Variants in PMS1 observed in about 807,000 individuals in gnomAD.
PMS1 encodes PMS1 protein homolog 1.
A neutral mutation model predicts 93.1 loss-of-function variants in PMS1; 79 were observed. The ratio of observed to expected loss-of-function variants is 0.85; its 90% CI spans 0.71 to 1.02. The LOEUF (loss-of-function observed/expected upper bound fraction) is 1.02, where lower values mean the gene tolerates loss of function less well. PMS1 is among the 50% of genes least tolerant of loss of function. The probability of loss-of-function intolerance (pLI) is 0.00; values close to 1 mark genes in which losing one functional copy is unlikely to be tolerated. For synonymous variants in PMS1, 335 were observed against 363.4 expected, an observed-to-expected ratio of 0.92 and a Z score of 0.89; for missense variants, 1,064 against 1,085.3, an observed-to-expected ratio of 0.98 and a Z score of 0.28.
chr2:189,794,175 C>T (rs1014570604), intron 2 of PMS1, among the ~76,000 whole-genome samples: 9 of 152,268 alleles, frequency 5.9e-5, no homozygotes, highest in Admixed American at 2.6e-4. Context: ...TGCAGTGGTG[C>T]GATCTCAGCT....
At chr2:189,832,286 A>G (rs2053017872) in intron 5 of PMS1, among the ~76,000 whole-genome samples, 1 of 152,174 alleles carries the variant, frequency 6.6e-6, no homozygotes, top group Admixed American at 6.5e-5. Flanking sequence ...AATGTAATCT[A>G]TAGGGTGTTC....
Position 189,867,625 on chromosome 2 carries a change from T to G in PMS1, c.2343-174T>G, listed in dbSNP as rs55918344. Among the ~76,000 whole-genome samples the G allele has an allele frequency of 3.2e-4, 49 of 152,330 alleles. No homozygotes were observed. In the East Asian group the frequency reaches 8.9e-3, roughly 28 times the overall value. ...TCTGTATACTGTGTGCAGTAGGTAT[T>G]TAATAAAATATTAACAGAAATGTAA... On this transcript the variant is annotated intron_variant, in intron 10 of 12. Transcript: ENST00000441310.
chr2:189,840,843 C>T (rs776978794), intron 5 of PMS1, among the ~76,000 whole-genome samples: 39 of 152,162 alleles, frequency 2.6e-4, no homozygotes, highest in Non-Finnish European at 5.3e-4. Flanking sequence ...TTGAGAACCC[C>T]AGTGTACTCC....
Position 189,864,688 on chromosome 2 carries a change from ATATATATATATATATATAT to A in PMS1, c.2342+461_2342+479del, listed in dbSNP as rs1161079072. Among the ~76,000 whole-genome samples the A allele has an allele frequency of 4.4e-3, 20 of 4,498 alleles. 3 individuals carry two copies. Among genetic ancestry groups the A allele is most frequent in the African/African-American group, 9.2e-3 (11 of 1,196 alleles). The allele number at this position is 4,498 out of a possible 152,430, so 3.0% of individuals were successfully genotyped here. A position where few individuals can be genotyped will look rare whatever the true frequency, so the allele number is the denominator to read the frequency against. On this transcript the variant is annotated intron_variant, in intron 10 of 12. Transcript: ENST00000441310. ...AAAAAAAAAAAAAAAAAAAAAAAAA[ATATATATATATATATATAT>A]ATATATATATATATATATATATATA...
intron 12 of PMS1, among the ~76,000 whole-genome samples, chr2:189,874,752 T>C (rs2057416705): frequency 6.6e-6 from 1 of 152,206 alleles, no homozygotes; most frequent in South Asian, 2.1e-4. Flanking sequence ...GTGAATCCTT[T>C]AGGAACTTTG....
chr2:189,810,844 TAG>T (rs2050778389), intron 4 of PMS1, among the ~76,000 whole-genome samples: 1 of 152,130 alleles, frequency 6.6e-6, no homozygotes, highest in African/African-American at 2.4e-5. Context: ...TTTTCTTCTT[TAG>T]TATCCTTTTA....
At chr2:189,863,604 A>G in intron 9 of PMS1, 139 bp from the exon 10 acceptor site, 1 of 664,734 alleles carries the variant, frequency 1.5e-6, no homozygotes, top group Non-Finnish European at 2.6e-6. Context: ...AGTTATATGC[A>G]GGAGAGTTAG....
At position 189,787,706 on chromosome 2, in the gene PMS1, G is replaced by T. The variant is rs5742958; in HGVS notation, c.-21+3113G>T. ...GCTGGATAGAGTACTGGTTAAAATG[G>T]CAGGCTCTGAAATCACGCTACTTTG... On this transcript the variant is annotated intron_variant, in intron 1 of 12. Coordinates refer to ENST00000441310, the MANE Select transcript of PMS1 (RefSeq NM_000534.5). Among the ~76,000 whole-genome samples, 488 of 152,006 alleles carry T rather than the reference G, an allele frequency of 3.2e-3. 1 individual carries two copies. Among genetic ancestry groups the T allele is most frequent in the African/African-American group, 0.011 (474 of 41,438 alleles).
At chr2:189,806,659 A>C (rs2050377515) in intron 4 of PMS1, 1 of 202,286 alleles carries the variant, frequency 4.9e-6, no homozygotes, top group African/African-American at 2.3e-5. Flanking sequence ...GGCCTCCCAG[A>C]GTGCTGAGAT....
intron 5 of PMS1, among the ~76,000 whole-genome samples, chr2:189,818,546 T>C (rs1046259827): frequency 6.6e-6 from 1 of 152,164 alleles, no homozygotes; most frequent in Non-Finnish European, 1.5e-5. Flanking sequence ...TAAATTTCTA[T>C]TGTTTATAAG....
chr2:189,868,933 T>C (rs112896702), intron 11 of PMS1, among the ~76,000 whole-genome samples: 42 of 152,312 alleles, frequency 2.8e-4, no homozygotes, highest in African/African-American at 9.1e-4. Flanking sequence ...CTGGCCTCAC[T>C]GTGTCTTCAT....
chr2:189,810,578 A>G (rs1021054446), intron 4 of PMS1, among the ~76,000 whole-genome samples: 17 of 152,288 alleles, frequency 1.1e-4, no homozygotes, highest in Admixed American at 5.2e-4. Flanking sequence ...AGCTAGTCCA[A>G]CCCCCACACT....
chr2:189,815,921 A>T (rs2051257738), intron 4 of PMS1, among the ~76,000 whole-genome samples: 1 of 152,078 alleles, frequency 6.6e-6, no homozygotes, highest in Admixed American at 6.5e-5. Flanking sequence ...TTCCCCCCTT[A>T]GAAACAGGGT....
At chr2:189,850,512 A>G (rs1477663504) in intron 6 of PMS1, among the ~76,000 whole-genome samples, 1 of 152,206 alleles carries the variant, frequency 6.6e-6, no homozygotes, top group African/African-American at 2.4e-5. Flanking sequence ...AGTGAAATAA[A>G]TAGCAGCTAT....
chr2:189,854,115 AT>A (rs2106459261), intron 8 of PMS1, 33 bp downstream of exon 8: 1 of 1,476,320 alleles, frequency 6.8e-7, no homozygotes, highest in Non-Finnish European at 9.3e-7. Context: ...TTCTTATGCT[AT>A]TTATAAACAT....
At chr2:189,864,517 G>A (rs957917809) in intron 10 of PMS1, among the ~76,000 whole-genome samples, 1 of 148,400 alleles carries the variant, frequency 6.7e-6, no homozygotes, top group Non-Finnish European at 1.5e-5. Context: ...TTAGCCGGGT[G>A]TGATGGCACG....
intron 5 of PMS1, among the ~76,000 whole-genome samples, chr2:189,825,697 A>T (rs1323154331): frequency 6.6e-6 from 1 of 152,236 alleles, no homozygotes; most frequent in Admixed American, 6.5e-5. Context: ...GGTATTGCAA[A>T]AGCTGAATTG....
intron 3 of PMS1, among the ~76,000 whole-genome samples, chr2:189,797,041 T>C (rs2049422440): frequency 1.3e-5 from 2 of 152,176 alleles, no homozygotes; most frequent in Admixed American, 1.3e-4. Context: ...TTCAAGCACA[T>C]TGTAAATCTC....
intron 9 of PMS1, among the ~76,000 whole-genome samples, 162 bp downstream of exon 9, chr2:189,855,290 T>TC (rs2055192907): frequency 6.6e-6 from 1 of 152,016 alleles, no homozygotes; most frequent in Admixed American, 6.6e-5. Context: ...ACTTTTTTTT[T>TC]CTGCTAATTT....
Sources: allele counts gnomAD v4.1 joint callset (sites outside exome capture counted in the v4.1 genomes callset), GRCh38; gene constraint gnomAD v4.1.1; transcripts MANE v1.5; gene names NCBI Gene and HGNC (gene_info 2026-07-23, HGNC 2026-07-21).